The following KCTD3 variants were observed in gnomAD, a reference collection of about 807,000 sequenced individuals.
KCTD3 encodes the protein potassium channel tetramerization domain containing 3.
A neutral mutation model predicts 85.8 loss-of-function variants in KCTD3; 41 were observed. The ratio of observed to expected loss-of-function variants is 0.48; its 90% CI spans 0.37 to 0.62. The LOEUF (loss-of-function observed/expected upper bound fraction) is 0.62. KCTD3 is among the 20% of genes least tolerant of loss of function. The pLI is 0.00. For synonymous variants in KCTD3, 338 were observed against 345.4 expected, an observed-to-expected ratio of 0.98 and a Z score of 0.24; for missense variants, 724 against 989.9, an observed-to-expected ratio of 0.73 and a Z score of 3.60.
Position 215,620,463 on chromosome 1 carries a change from C to G in KCTD3, c.2293C>G (p.Leu765Val). The change falls in exon 18 of 18, where the codon CTT (leucine) becomes GTT (valine). Residue 765 changes from leucine to valine, a missense_variant. This residue lies in a region of KCTD3 where 222 missense variants were observed against 217.7 expected (regional missense o/e 1.02). Transcript: ENST00000259154. ...KKGGFEGGGF[L>V]GRKKVPYLAS... ...AGGAGGATTTGAAGGGGGAGGATTC[C>G]TTGGAAGAAAGAAAGTTCCCTATCT... 1 of 1,613,670 alleles carries G rather than the reference C, an allele frequency of 6.2e-7. No homozygotes were observed. Among genetic ancestry groups the G allele is most frequent in the South Asian group, 1.1e-5 (1 of 91,058 alleles).
At chr1:215,618,764 T>A in intron 15 of KCTD3, 122 bp from the exon 16 acceptor site, 1 of 732,418 alleles carries the variant, frequency 1.4e-6, no homozygotes, top group Non-Finnish European at 2.2e-6. Flanking sequence ...TTTAAATGAT[T>A]TTTTAAAAGT....
chr1:215,577,577 T>C (rs1387465742), intron 4 of KCTD3, 93 bp from the exon 5 acceptor site: 5 of 781,742 alleles, frequency 6.4e-6, no homozygotes, highest in Non-Finnish European at 1.2e-5. Flanking sequence ...CTTATGACTA[T>C]ATACATGAAG....
intron 14 of KCTD3, among the ~76,000 whole-genome samples, chr1:215,610,811 C>G (rs1655202874): frequency 2.0e-5 from 3 of 151,732 alleles, no homozygotes; most frequent in Admixed American, 2.0e-4. Flanking sequence ...ATAGTACCTC[C>G]CTTATGTGGT....
intron 15 of KCTD3, chr1:215,618,297 A>G (rs1655530551): frequency 1.0e-5 from 2 of 192,820 alleles, no homozygotes; most frequent in South Asian, 9.0e-5. Flanking sequence ...GCATGTAGGA[A>G]TTATCTTTTT....
At chr1:215,591,307 CTT>C (rs1660201774) in intron 9 of KCTD3, among the ~76,000 whole-genome samples, 1 of 142,320 alleles carries the variant, frequency 7.0e-6, no homozygotes, top group Non-Finnish European at 1.5e-5. Context: ...TCCTTCCTTC[CTT>C]CCTTCCTTCC....
At chr1:215,607,089 A>G (rs1655053494) in intron 13 of KCTD3, among the ~76,000 whole-genome samples, 1 of 151,922 alleles carries the variant, frequency 6.6e-6, no homozygotes, top group South Asian at 2.1e-4. Flanking sequence ...GTTTGCCAAA[A>G]TTAAATTTCT....
chr1:215,620,387 G>C lies in KCTD3; in HGVS notation c.2217G>C (p.Lys739Asn), dbSNP rs749498716. Residue 739 changes from lysine (K) to asparagine (N), a missense_variant, in exon 18 of 18, where the codon AAG becomes AAC. By Grantham distance (94) the Lys-to-Asn change is moderately conservative (BLOSUM62 0). This residue lies in a region of KCTD3 where 222 missense variants were observed against 217.7 expected (regional missense o/e 1.02). Coordinates refer to ENST00000259154, the MANE Select transcript of KCTD3 (RefSeq NM_016121.5). ...HKIAEGFSESKKRSSEDENEN... is the reference protein window; with the variant it reads ...HKIAEGFSESNKRSSEDENEN... ...TAGCTGAAGGTTTTTCAGAATCCAAGAAAAGGTCATCAGAAGATGAAAATG... is the reference window on the plus strand; with the variant it reads ...TAGCTGAAGGTTTTTCAGAATCCAACAAAAGGTCATCAGAAGATGAAAATG... The C allele has an allele frequency of 5.0e-6, 8 of 1,612,988 alleles. No individual in the cohort carries two copies. The highest frequency in any genetic ancestry group is 5.9e-6 in the Non-Finnish European group (7 of 1,179,604).
chr1:215,571,926 T>C (rs1659385967), intron 1 of KCTD3, among the ~76,000 whole-genome samples: 1 of 152,226 alleles, frequency 6.6e-6, no homozygotes, highest in Non-Finnish European at 1.5e-5. Context: ...CCACCGCGCC[T>C]AGCCGAGATA....
At chr1:215,609,879 C>T (rs185563628) in intron 14 of KCTD3, among the ~76,000 whole-genome samples, 1 of 151,860 alleles carries the variant, frequency 6.6e-6, no homozygotes, top group East Asian at 1.9e-4. Flanking sequence ...GAAGATATAC[C>T]TGGTTTCTGG....
chr1:215,573,999 A>G, intron 2 of KCTD3, 74 bp from the exon 3 acceptor site: 5 of 1,171,442 alleles, frequency 4.3e-6, no homozygotes, highest in Non-Finnish European at 6.2e-6. Context: ...GGTCTTTAAC[A>G]TTTGGTAAAG....
chr1:215,583,280 A>G (rs1453636051), intron 8 of KCTD3, among the ~76,000 whole-genome samples: 1 of 152,230 alleles, frequency 6.6e-6, no homozygotes, highest in Non-Finnish European at 1.5e-5. Context: ...TGAGTGTTTC[A>G]GAAAGGAGCA....
At position 215,611,875 on chromosome 1, in the gene KCTD3, C is replaced by A; in HGVS notation, c.1516C>A (p.Pro506Thr). Reference sequence around the variant, plus strand: ...ACAGGTGTTTATCCAGAAAGTTGTTCCCATCACCAACAAACTATTTGTAAG... The same window carrying A: ...ACAGGTGTTTATCCAGAAAGTTGTTACCATCACCAACAAACTATTTGTAAG... ...DQQVFIQKVV[P>T]ITNKLFVRLS... Residue 506 changes from proline (P) to threonine (T), a missense_variant, in exon 15 of 18, where the codon CCC (proline) becomes ACC (threonine). Pro to Thr is a conservative substitution (Grantham distance 38). Coordinates refer to ENST00000259154, the MANE Select transcript of KCTD3 (RefSeq NM_016121.5). 1 of 1,609,238 alleles carries A rather than the reference C, an allele frequency of 6.2e-7. No individual in the cohort carries two copies.
At chr1:215,599,170 A>G (rs956720715) in intron 10 of KCTD3, among the ~76,000 whole-genome samples, 2 of 152,150 alleles carry the variant, frequency 1.3e-5, no homozygotes, top group African/African-American at 4.8e-5. Context: ...TATCATTCAA[A>G]CCTGAATGAG....
chr1:215,567,803 G>T (rs2102546555), intron 1 of KCTD3, 35 bp downstream of exon 1: 1 of 1,196,126 alleles, frequency 8.4e-7, no homozygotes, highest in Non-Finnish European at 1.1e-6. Flanking sequence ...CAGCGGGGAT[G>T]CCTTGGCGGC....
rs1221062048 is a variant in KCTD3, at chr1:215,567,678, C to T, written c.-8C>T. ...GGAGGGCGGCGAGCGCGTCCGGAGC[C>T]GCCGGAGATGGCGGGAGGGCACTGC... On this transcript the variant is annotated 5_prime_UTR_variant, in exon 1 of 18. Coordinates refer to ENST00000259154, the MANE Select transcript of KCTD3 (RefSeq NM_016121.5). 1.4e-5 allele frequency: 17 copies of T among 1,236,660 alleles called. No individual in the cohort carries two copies. Among genetic ancestry groups the T allele is most frequent in the African/African-American group, 3.1e-5 (2 of 64,328 alleles). The allele number at this position is 1,236,660 out of a possible 1,614,324, so 76.6% of individuals were successfully genotyped here.
chr1:215,621,356 G>C lies in KCTD3; in HGVS notation c.*738G>C, dbSNP rs1655682261. On this transcript the variant is annotated 3_prime_UTR_variant, in exon 18 of 18. Transcript: ENST00000259154. The stretch of plus-strand genomic sequence containing the variant: ...AAATAATAATCAAGGGCAAAGCTTT[G>C]AGTGCCCAGAAGGGAAAGCTGTACC... 1 of 152,020 alleles carries C rather than the reference G, an allele frequency of 6.6e-6. No individual in the cohort carries two copies. Among genetic ancestry groups the C allele is most frequent in the East Asian group, 1.9e-4 (1 of 5,198 alleles). The allele number at this position is 152,020 out of a possible 1,614,324, so 9.4% of individuals were successfully genotyped here.
At chr1:215,573,645 T>C (rs1558227207) in intron 1 of KCTD3, 141 bp from the exon 2 acceptor site, 4 of 503,796 alleles carry the variant, frequency 7.9e-6, no homozygotes, top group African/African-American at 2.0e-5. Context: ...TTTAAAAATA[T>C]TAACTGTAAT....
chr1:215,586,762 A>G, intron 9 of KCTD3, 77 bp downstream of exon 9: 3 of 1,196,762 alleles, frequency 2.5e-6, no homozygotes, highest in Non-Finnish European at 3.6e-6. Context: ...GACACTGAAT[A>G]TGAAAATTAA....
Position 215,567,554 on chromosome 1 carries a change from T to A in KCTD3, c.-132T>A, listed in dbSNP as rs919915035. ...CGCCGGGAAGGTGGGGGAAGCCCCGTGCACCCCCCGCCCTCCGGCCGCCGC... is the reference window on the plus strand; with the variant it reads ...CGCCGGGAAGGTGGGGGAAGCCCCGAGCACCCCCCGCCCTCCGGCCGCCGC... On this transcript the variant is annotated 5_prime_UTR_variant, in exon 1 of 18. Transcript: ENST00000259154. 2.7e-6 allele frequency: 1 copy of A among 371,258 alleles called. No individual in the cohort carries two copies. Among genetic ancestry groups the A allele is most frequent in the Non-Finnish European group, 4.4e-6 (1 of 225,050 alleles). The allele number at this position is 371,258 out of a possible 1,614,324, so 23.0% of individuals were successfully genotyped here.
Sources: gnomAD v4.1 joint callset for allele counts (sites outside exome capture counted in the v4.1 genomes callset) on GRCh38, gnomAD v4.1.1 for gene constraint, gnomAD v4.1.1 regional missense constraint, MANE v1.5 for transcripts, NCBI Gene and HGNC (gene_info 2026-07-23, HGNC 2026-07-21) for gene names.